The following LINGO2 variants were observed in gnomAD, a reference collection of about 807,000 sequenced individuals.
LINGO2 encodes leucine-rich repeat and immunoglobulin-like domain-containing nogo receptor-interacting protein 2.
In LINGO2, 14 loss-of-function variants were observed where a neutral mutation model predicts 30.6. The ratio of observed to expected loss-of-function variants is 0.46; its 90% CI spans 0.30 to 0.72. The LOEUF (loss-of-function observed/expected upper bound fraction) is 0.72, where lower values mean the gene tolerates loss of function less well. LINGO2 is among the 30% of genes least tolerant of loss of function. The pLI is 0.07. For missense variants in LINGO2, 729 were observed against 751.7 expected (o/e 0.97, Z 0.35); for synonymous variants, 317 against 288.5 (o/e 1.10, Z -1.00).
At chr9:29,107,914 AAC>A in the LINGO2 span, among the ~76,000 whole-genome samples, 883 of 151,930 alleles carry the variant, frequency 5.8e-3, 8 homozygotes, top group African/African-American at 0.021. Context: ...TTAAAAAAAA[AAC>A]AAACCAAAAT....
chr9:28,724,845 A>T, the LINGO2 span, among the ~76,000 whole-genome samples: 1 of 152,144 alleles, frequency 6.6e-6, no homozygotes, highest in Non-Finnish European at 1.5e-5. Context: ...AAGAGTCACA[A>T]ATCTTTCAGA....
At chr9:28,942,680 G>T in the LINGO2 span, among the ~76,000 whole-genome samples, 1 of 152,140 alleles carries the variant, frequency 6.6e-6, no homozygotes, top group Non-Finnish European at 1.5e-5. Flanking sequence ...TTTGCTCCTT[G>T]TTCTTAGAAT....
chr9:28,663,574 A>T (rs1828671451), intron 1 of LINGO2, among the ~76,000 whole-genome samples: 1 of 152,220 alleles, frequency 6.6e-6, no homozygotes, highest in Non-Finnish European at 1.5e-5. Context: ...TGAGCAAAAT[A>T]CTGGGAAAGG....
At chr9:29,012,098 C>A in the LINGO2 span, among the ~76,000 whole-genome samples, 13 of 152,138 alleles carry the variant, frequency 8.5e-5, no homozygotes, top group Non-Finnish European at 1.8e-4. Flanking sequence ...TGGCTCACGT[C>A]TGTAATCCCA....
At chr9:28,244,668 T>C (rs1222493044) in intron 4 of LINGO2, among the ~76,000 whole-genome samples, 3 of 152,004 alleles carry the variant, frequency 2.0e-5, no homozygotes, top group Admixed American at 2.0e-4. Flanking sequence ...GAGAATACTA[T>C]AAACAACCCT....
intron 4 of LINGO2, among the ~76,000 whole-genome samples, chr9:28,246,589 T>C (rs112329804): frequency 0.22 from 32,727 of 151,912 alleles, 3,796 homozygotes; most frequent in East Asian, 0.27. Flanking sequence ...TTACACCTTA[T>C]AGAAAAATTA....
At chr9:29,178,085 C>A in the LINGO2 span, among the ~76,000 whole-genome samples, 1 of 150,702 alleles carries the variant, frequency 6.6e-6, no homozygotes, top group African/African-American at 2.4e-5. Context: ...GGTGGAGTTT[C>A]ACTCTTGTTG....
chr9:28,162,424 G>C (rs1172564187), intron 4 of LINGO2, among the ~76,000 whole-genome samples: 1 of 152,066 alleles, frequency 6.6e-6, no homozygotes, highest in Non-Finnish European at 1.5e-5. Flanking sequence ...GATTCATCTA[G>C]CTTGGTTCAG....
the LINGO2 span, among the ~76,000 whole-genome samples, chr9:28,683,748 C>T: frequency 6.6e-6 from 1 of 152,152 alleles, no homozygotes. Flanking sequence ...GAAAGTTTGT[C>T]ATTCACTCAT....
chr9:27,978,137 A>G (rs1820691539), intron 5 of LINGO2, among the ~76,000 whole-genome samples: 2 of 152,036 alleles, frequency 1.3e-5, no homozygotes, highest in Admixed American at 1.3e-4. Flanking sequence ...CTGGGATGAA[A>G]TGTAAGAACA....
chr9:28,578,656 G>T (rs982697735), intron 1 of LINGO2, among the ~76,000 whole-genome samples: 9 of 151,766 alleles, frequency 5.9e-5, no homozygotes, highest in African/African-American at 2.2e-4. Flanking sequence ...TTCTTTTATT[G>T]GTCATTATAG....
chr9:28,088,045 G>T (rs1033837150), intron 4 of LINGO2, among the ~76,000 whole-genome samples: 8 of 152,014 alleles, frequency 5.3e-5, no homozygotes, highest in Admixed American at 1.3e-4. Flanking sequence ...TAAAGGAACA[G>T]ATTTTGGAGT....
At chr9:28,781,542 A>T in the LINGO2 span, among the ~76,000 whole-genome samples, 1 of 152,198 alleles carries the variant, frequency 6.6e-6, no homozygotes, top group Non-Finnish European at 1.5e-5. Context: ...GGAAGCCATC[A>T]ACCCTTCCCA....
chr9:28,348,927 C>A (rs1490209373), intron 3 of LINGO2, among the ~76,000 whole-genome samples: 2 of 151,514 alleles, frequency 1.3e-5, no homozygotes, highest in Admixed American at 6.6e-5. Context: ...AACAGACCTG[C>A]AGCTGAGGGT....
Position 28,098,028 on chromosome 9 carries a change from G to A in LINGO2, c.-86-85623C>T, listed in dbSNP as rs142720711. On this transcript the variant is annotated intron_variant, in intron 4 of 5. Transcript: ENST00000379992. The stretch of plus-strand genomic sequence containing the variant: ...TTTTAAAAATCGATACCAAAGTCCA[G>A]GTGCAGTGGCTCATGCCTGTAATCC... Among the ~76,000 whole-genome samples the A allele has an allele frequency of 4.1e-3, 623 of 152,216 alleles. 3 individuals are homozygous for A. Among genetic ancestry groups the A allele is most frequent in the Non-Finnish European group, 6.7e-3 (456 of 68,018 alleles).
the LINGO2 span, among the ~76,000 whole-genome samples, chr9:28,702,627 T>G: frequency 6.6e-6 from 1 of 151,928 alleles, no homozygotes; most frequent in South Asian, 2.1e-4. Flanking sequence ...CTGGTTTTGG[T>G]ATTAAGTTAA....
At chr9:28,443,762 C>A (rs2135031444) in intron 2 of LINGO2, among the ~76,000 whole-genome samples, 1 of 152,286 alleles carries the variant, frequency 6.6e-6, no homozygotes, top group East Asian at 1.9e-4. Flanking sequence ...GGGCGGCCCT[C>A]AGCATGGACA....
chr9:28,168,116 T>C (rs984443156), intron 4 of LINGO2, among the ~76,000 whole-genome samples: 1 of 152,210 alleles, frequency 6.6e-6, no homozygotes, highest in Non-Finnish European at 1.5e-5. Flanking sequence ...TCTTGTTACC[T>C]GGATGAGAAA....
the LINGO2 span, among the ~76,000 whole-genome samples, chr9:28,931,701 G>A: frequency 1.3e-5 from 2 of 152,186 alleles, no homozygotes; most frequent in African/African-American, 4.8e-5. Flanking sequence ...CATAGGATTG[G>A]AATATAACTG....
Sources: allele counts gnomAD v4.1 joint callset (sites outside exome capture counted in the v4.1 genomes callset), GRCh38; gene constraint gnomAD v4.1.1; transcripts MANE v1.5; gene names NCBI Gene and HGNC (gene_info 2026-07-23, HGNC 2026-07-21).